The following PATL2 variants were observed in gnomAD, a reference collection of about 807,000 sequenced individuals.
PATL2 encodes the protein protein PAT1 homolog 2.
Under a neutral mutation model 77.0 loss-of-function variants are expected in PATL2, and 73 were observed. The ratio of observed to expected loss-of-function variants is 0.95; its 90% CI spans 0.78 to 1.15. The LOEUF (loss-of-function observed/expected upper bound fraction) is 1.15. PATL2 is among the 50% of genes most tolerant of loss of function. PATL2 has a pLI of 0.00. For missense variants in PATL2, 618 were observed against 655.4 expected, an observed-to-expected ratio of 0.94 and a Z score of 0.62; for synonymous variants, 265 against 257.1, an observed-to-expected ratio of 1.03 and a Z score of -0.29.
chr15:44,675,667 A>G lies in PATL2; in HGVS notation c.41T>C (p.Leu14Ser), dbSNP rs1474297832. 3 of 1,550,964 alleles carry G rather than the reference A, an allele frequency of 1.9e-6. No homozygotes were observed. The East Asian group carries it at 7.3e-5, about 38-fold the overall frequency. Residue 14 changes from leucine to serine, a missense_variant, in exon 5 of 18, where the codon TTG (leucine) becomes TCG (serine). Coordinates refer to ENST00000682850, the MANE Select transcript of PATL2 (RefSeq NM_001387263.1). Reference sequence around the variant, plus strand: ...AGACACCAGCTCCTCCTCAGAAGCCAAGGGGCCACAGGTCTTACCTGGCCC... The same window carrying G: ...AGACACCAGCTCCTCCTCAGAAGCCGAGGGGCCACAGGTCTTACCTGGCCC... ...LEGPGKTCGP[L>S]ASEEELVSAC...
chr15:44,705,881 A>G (rs2086726433), intron 3 of PATL2, among the ~76,000 whole-genome samples: 1 of 142,024 alleles, frequency 7.0e-6, no homozygotes, highest in Non-Finnish European at 1.5e-5. Context: ...GGCTCACTGA[A>G]TCTCCGCCTC....
chr15:44,671,982 G>A lies in PATL2; in HGVS notation c.657+33C>T. ...GGAGTCCAGGCCCATTTGACCCAAG[G>A]TCAGAGGCTGGGCTGAGTACTGCGG... On this transcript the variant is annotated intron_variant, in intron 9 of 17. Coordinates refer to ENST00000682850, the MANE Select transcript of PATL2 (RefSeq NM_001387263.1). 4 of 1,550,114 alleles carry A rather than the reference G, an allele frequency of 2.6e-6. No individual in the cohort carries two copies. In the East Asian group the frequency reaches 9.8e-5, roughly 38 times the overall value.
chr15:44,674,462 T>C (rs981892195), intron 5 of PATL2: 7 of 489,932 alleles, frequency 1.4e-5, no homozygotes, highest in Non-Finnish European at 2.2e-5. Flanking sequence ...ATGAGACATA[T>C]ATGTTCCGAG....
chr15:44,681,499 G>T (rs945501686), intron 3 of PATL2, among the ~76,000 whole-genome samples: 5 of 151,992 alleles, frequency 3.3e-5, no homozygotes, highest in African/African-American at 1.2e-4. Context: ...CCCTTTTCCT[G>T]CTCCCCTCAT....
chr15:44,668,547 C>A, intron 14 of PATL2, 65 bp from the exon 15 acceptor site: 1 of 1,520,468 alleles, frequency 6.6e-7, no homozygotes, highest in Middle Eastern at 2.1e-4. Context: ...TACCTTGCTT[C>A]CACAGTCCCT....
At chr15:44,678,386 T>A (rs1403519616) in intron 3 of PATL2, among the ~76,000 whole-genome samples, 1 of 152,192 alleles carries the variant, frequency 6.6e-6, no homozygotes. Flanking sequence ...GGGCTCAGTC[T>A]TAAAGATCAC....
chr15:44,677,837 G>GA (rs1256666264), intron 3 of PATL2, among the ~76,000 whole-genome samples: 1 of 152,022 alleles, frequency 6.6e-6, no homozygotes, highest in Non-Finnish European at 1.5e-5. Flanking sequence ...GAAAGTTACT[G>GA]AAAAACTTCT....
intron 3 of PATL2, among the ~76,000 whole-genome samples, chr15:44,695,311 CAA>C (rs2086481296): frequency 6.6e-6 from 1 of 152,198 alleles, no homozygotes; most frequent in Admixed American, 6.5e-5. Flanking sequence ...TCCTTTCTAA[CAA>C]AGAGCAGCCT....
intron 5 of PATL2, chr15:44,674,852 AGCC>A (rs1393273729): frequency 6.6e-6 from 1 of 152,236 alleles, no homozygotes; most frequent in African/African-American, 2.4e-5. Flanking sequence ...TACAGACATA[AGCC>A]ACTGCCCCTG....
intron 3 of PATL2, among the ~76,000 whole-genome samples, chr15:44,706,743 A>G (rs749333734): frequency 5.3e-5 from 8 of 152,210 alleles, no homozygotes; most frequent in Non-Finnish European, 1.0e-4. Context: ...GGCCTATGGT[A>G]ACCACCGCCT....
chr15:44,669,597 C>A, intron 11 of PATL2, 34 bp from the exon 12 acceptor site: 1 of 1,546,146 alleles, frequency 6.5e-7, no homozygotes, highest in Non-Finnish European at 8.7e-7. Flanking sequence ...ATCAGCTACA[C>A]TGCCACTGCC....
At chr15:44,704,058 G>C (rs1197698877) in intron 3 of PATL2, among the ~76,000 whole-genome samples, 1 of 151,704 alleles carries the variant, frequency 6.6e-6, no homozygotes, top group Non-Finnish European at 1.5e-5. Flanking sequence ...GTGCGATCTT[G>C]GCTCACTGCA....
rs1306662894 is a variant in PATL2, at chr15:44,675,634, T to C, written c.74A>G (p.Gln25Arg). 1 of 1,551,794 alleles carries C rather than the reference T, an allele frequency of 6.4e-7. No homozygotes were observed. Among genetic ancestry groups the C allele is most frequent in the Admixed American group, 2.0e-5 (1 of 50,980 alleles). The change falls in exon 5 of 18, where the codon CAG (glutamine) becomes CGG (arginine). Residue 25 changes from glutamine to arginine, a missense_variant. Transcript: ENST00000682850. ...TTCATTCTCTTCTTCTTTTTCCAAC[T>C]GGCAGGCAGACACCAGCTCCTCCTC... Reference protein sequence around the residue: ...ASEEELVSACQLEKEEENEGE... With the variant: ...ASEEELVSACRLEKEEENEGE...
intron 17 of PATL2, 79 bp downstream of exon 17, chr15:44,666,313 A>G: frequency 1.3e-6 from 2 of 1,495,292 alleles, no homozygotes; most frequent in Non-Finnish European, 9.1e-7. Flanking sequence ...AATTTAGAAG[A>G]AGGAAGTAGT....
At chr15:44,709,690 TC>T (rs946401473) in intron 3 of PATL2, among the ~76,000 whole-genome samples, 3 of 152,058 alleles carry the variant, frequency 2.0e-5, no homozygotes, top group Admixed American at 6.6e-5. Context: ...ATACAGGTAT[TC>T]CCCCCCAAAG....
chr15:44,690,497 C>G (rs1022001093), intron 3 of PATL2, among the ~76,000 whole-genome samples: 1 of 151,014 alleles, frequency 6.6e-6, no homozygotes, highest in Non-Finnish European at 1.5e-5. Context: ...CGCAACCATG[C>G]CTGGCTTTTT....
In PATL2 at chr15:44,666,477, G is replaced by T. The variant is rs2085377632; in HGVS notation, c.1528C>A (p.Pro510Thr). 1 of 1,551,558 alleles carries T rather than the reference G, an allele frequency of 6.4e-7. No individual in the cohort carries two copies. Among genetic ancestry groups the T allele is most frequent in the Admixed American group, 2.0e-5 (1 of 50,982 alleles). Residue 510 changes from proline to threonine, a missense_variant, in exon 17 of 18, where the codon CCC (proline) becomes ACC (threonine). Transcript: ENST00000682850. Reference protein sequence around the residue: ...AQMPTASLAEPLAFPSNLLPL... With the variant: ...AQMPTASLAETLAFPSNLLPL... The stretch of plus-strand genomic sequence containing the variant: ...AGTAGGTTGCTGGGGAAAGCTAGGG[G>T]TTCTGCCAGAGAGGCTGTAGGCATT...
intron 9 of PATL2, among the ~76,000 whole-genome samples, chr15:44,670,737 T>A (rs2085632363): frequency 6.6e-6 from 1 of 152,220 alleles, no homozygotes; most frequent in Admixed American, 6.5e-5. Context: ...CCTGCATTCC[T>A]CATGCTCTAG....
At chr15:44,669,189 G>A in intron 13 of PATL2, 50 bp from the exon 14 acceptor site, 1 of 1,521,394 alleles carries the variant, frequency 6.6e-7, no homozygotes, top group Non-Finnish European at 8.9e-7. Flanking sequence ...AGAGGAGAGG[G>A]CTACATGCCA....
Sources: gnomAD v4.1 joint callset for allele counts (sites outside exome capture counted in the v4.1 genomes callset) on GRCh38, gnomAD v4.1.1 for gene constraint, MANE v1.5 for transcripts, NCBI Gene and HGNC (gene_info 2026-07-23, HGNC 2026-07-21) for gene names.